Variants in TANC1 observed in about 807,000 individuals in gnomAD.
TANC1 encodes tetratricopeptide repeat, ankyrin repeat and coiled-coil containing 1.
Under a neutral mutation model 149.7 loss-of-function variants are expected in TANC1, and 77 were observed. The ratio of observed to expected loss-of-function variants is 0.51; its 90% CI spans 0.43 to 0.62. The LOEUF is 0.62. TANC1 is among the 20% of genes least tolerant of loss of function. The pLI, the probability that TANC1 is intolerant of heterozygous loss-of-function variation, is 0.00. For synonymous variants in TANC1, 854 were observed against 925.0 expected (o/e 0.92, Z 1.39); for missense variants, 1,985 against 2,321.8 (o/e 0.85, Z 2.98).
At chr2:159,224,753 T>C (rs979239974) in intron 23 of TANC1, 1 of 185,610 alleles carries the variant, frequency 5.4e-6, no homozygotes, top group Non-Finnish European at 1.1e-5. Context: ...TGTGGGGAAA[T>C]GGCCACCACA....
At chr2:159,224,128 G>A (rs544170577) in intron 22 of TANC1, 104 bp from the exon 23 acceptor site, 2 of 1,315,152 alleles carry the variant, frequency 1.5e-6, no homozygotes, top group African/African-American at 1.5e-5. Context: ...AATAGGCAGA[G>A]GCATCTAAAA....
chr2:159,057,249 C>T (rs552226976), intron 2 of TANC1, among the ~76,000 whole-genome samples: 1 of 152,354 alleles, frequency 6.6e-6, no homozygotes, highest in South Asian at 2.1e-4. Flanking sequence ...GCCTTCCTCT[C>T]ATCTACAGGG....
intron 5 of TANC1, among the ~76,000 whole-genome samples, chr2:159,144,655 C>T (rs750656548): frequency 2.6e-5 from 4 of 152,152 alleles, no homozygotes; most frequent in Admixed American, 6.5e-5. Flanking sequence ...CCTCGGCCTC[C>T]GAAAGTGCTG....
intron 2 of TANC1, among the ~76,000 whole-genome samples, chr2:159,032,681 T>G: frequency 6.6e-6 from 1 of 152,112 alleles, no homozygotes; most frequent in Non-Finnish European, 1.5e-5. Context: ...CTTACAACAG[T>G]CTGGGAAACC....
intron 1 of TANC1, among the ~76,000 whole-genome samples, chr2:158,983,403 C>G (rs1378066565): frequency 7.0e-6 from 1 of 143,758 alleles, no homozygotes; most frequent in Non-Finnish European, 1.5e-5. Context: ...GGAGGCGGAG[C>G]TTGCAATGAG....
At position 159,179,106 on chromosome 2, in the gene TANC1, G is replaced by A; in HGVS notation, c.2453G>A (p.Arg818Lys). ...CGCATGTTCTGCCACCCGTCCTTCA[G>A]GGAGTGGCTTGTATGGAGAGCAGAC... is the stretch of plus-strand genomic sequence containing the variant. The part of the protein sequence containing the change: ...KTRMFCHPSF[R>K]EWLVWRADGE... The change falls in exon 14 of 27, where the codon AGG becomes AAG. Residue 818 changes from arginine (R) to lysine (K), a missense_variant. Arg to Lys is a conservative substitution (Grantham distance 26). Around this residue, in one of 3 missense-constraint regions of TANC1, gnomAD observed 508 missense variants for 714.2 expected, o/e 0.71. Coordinates refer to ENST00000263635, the MANE Select transcript of TANC1 (RefSeq NM_033394.3). The A allele has an allele frequency of 3.1e-6, 5 of 1,613,766 alleles. No homozygotes were observed. The highest frequency in any genetic ancestry group is 4.2e-6 in the Non-Finnish European group (5 of 1,179,974).
At chr2:159,199,932 T>C (rs186541384) in intron 19 of TANC1, among the ~76,000 whole-genome samples, 3 of 152,308 alleles carry the variant, frequency 2.0e-5, no homozygotes, top group Non-Finnish European at 4.4e-5. Flanking sequence ...TGCAGGCCTG[T>C]CCTTCAGAGC....
chr2:159,160,579 C>A (rs1015394466), intron 7 of TANC1, among the ~76,000 whole-genome samples: 2 of 152,212 alleles, frequency 1.3e-5, no homozygotes, highest in Admixed American at 6.5e-5. Flanking sequence ...TGGCCTTCAT[C>A]TGCTCAGCTG....
At chr2:159,150,777 T>TA (rs11290702) in intron 7 of TANC1, 1,213 of 362,320 alleles carry the variant, frequency 3.3e-3, no homozygotes, top group African/African-American at 4.4e-3. Context: ...GCTCATTTGT[T>TA]AAAAAAAAAA....
chr2:159,014,880 C>A (rs762214337), intron 2 of TANC1, among the ~76,000 whole-genome samples: 38 of 152,214 alleles, frequency 2.5e-4, no homozygotes, highest in Non-Finnish European at 4.6e-4. Flanking sequence ...TGGGCAGCTC[C>A]ACCCCTATGG....
At chr2:159,036,333 G>A (rs533754043) in intron 2 of TANC1, among the ~76,000 whole-genome samples, 15 of 152,234 alleles carry the variant, frequency 9.9e-5, no homozygotes, top group South Asian at 4.2e-4. Flanking sequence ...GCAAGCTGTC[G>A]CTGAACGTGA....
At chr2:159,127,716 C>T (rs562627484) in intron 4 of TANC1, among the ~76,000 whole-genome samples, 10 of 152,168 alleles carry the variant, frequency 6.6e-5, no homozygotes, top group East Asian at 1.9e-4. Flanking sequence ...CGTCAGGGCA[C>T]GGGGGGAGGG....
intron 19 of TANC1, among the ~76,000 whole-genome samples, chr2:159,206,141 C>T (rs752980504): frequency 7.9e-5 from 12 of 152,246 alleles, no homozygotes; most frequent in East Asian, 1.9e-4. Context: ...CTCAAGGGTG[C>T]GTGGGAGGGA....
At chr2:159,024,011 A>G (rs1367489824) in intron 2 of TANC1, among the ~76,000 whole-genome samples, 1 of 152,108 alleles carries the variant, frequency 6.6e-6, no homozygotes, top group Non-Finnish European at 1.5e-5. Flanking sequence ...GTAATGAGGC[A>G]TATAACAAAC....
chr2:159,111,179 C>T (rs2047680070), intron 4 of TANC1, among the ~76,000 whole-genome samples: 1 of 152,152 alleles, frequency 6.6e-6, no homozygotes, highest in Non-Finnish European at 1.5e-5. Flanking sequence ...CTGGTGGTGC[C>T]CTGCCTGGGT....
intron 26 of TANC1, 155 bp downstream of exon 26, chr2:159,229,051 C>T: frequency 1.6e-6 from 1 of 616,134 alleles, no homozygotes; most frequent in Non-Finnish European, 2.9e-6. Context: ...TTCCAAGAGG[C>T]ATAGTAGTGG....
chr2:159,011,461 T>C (rs2037748790), intron 2 of TANC1, among the ~76,000 whole-genome samples: 1 of 152,136 alleles, frequency 6.6e-6, no homozygotes, highest in Admixed American at 6.5e-5. Flanking sequence ...TTTCCCTGTC[T>C]GAATTCTGAA....
chr2:159,066,269 C>T (rs561024771), intron 3 of TANC1, among the ~76,000 whole-genome samples: 6 of 152,082 alleles, frequency 3.9e-5, no homozygotes, highest in Non-Finnish European at 5.9e-5. Flanking sequence ...AAAAATTATC[C>T]GGGTATGGTG....
chr2:158,981,516 T>TATAC (rs2034356186), intron 1 of TANC1, among the ~76,000 whole-genome samples: 1 of 118,722 alleles, frequency 8.4e-6, no homozygotes, highest in Non-Finnish European at 1.8e-5. Context: ...TATATATATA[T>TATAC]ATATATATAT....
Sources: gnomAD v4.1 joint callset for allele counts (sites outside exome capture counted in the v4.1 genomes callset) on GRCh38, gnomAD v4.1.1 for gene constraint, gnomAD v4.1.1 regional missense constraint, MANE v1.5 for transcripts, NCBI Gene and HGNC (gene_info 2026-07-23, HGNC 2026-07-21) for gene names.